The following CUL2 variants were observed in gnomAD, a reference collection of about 807,000 sequenced individuals.
CUL2 encodes cullin-2.
A neutral mutation model predicts 110.2 loss-of-function variants in CUL2; 22 were observed. That is an observed-to-expected ratio of 0.20 (90% CI 0.14 to 0.28). The LOEUF is 0.28. Ranked by LOEUF, CUL2 falls within the 10% of genes least tolerant of loss-of-function variation. The pLI is 1.00. For missense variants in CUL2, 631 were observed against 905.5 expected (o/e 0.70, Z 3.89); for synonymous variants, 279 against 293.2 (o/e 0.95, Z 0.49).
At position 35,031,223 on chromosome 10, in the gene CUL2, C is replaced by A; in HGVS notation, c.1386+77G>T. ...AGATGAATTGTTTCCTGTTACTGTA[C>A]ACAATGCTGCAATGAACATCTTTAT... On this transcript the variant is annotated intron_variant, in intron 14 of 20. Transcript: ENST00000374749. This position sits in a 1 kb window ranked among gnomAD's most constrained non-coding sequence, Gnocchi z 4.4. 1 of 895,634 alleles carries A rather than the reference C, an allele frequency of 1.1e-6. No individual in the cohort carries two copies. The highest frequency in any genetic ancestry group is 1.7e-6 in the Non-Finnish European group (1 of 574,250). 55.5% of individuals were successfully genotyped at this position (895,634 alleles called of 1,614,324 possible).
At position 35,039,207 on chromosome 10, in the gene CUL2, T is replaced by C; in HGVS notation, c.715-125A>G. On this transcript the variant is annotated intron_variant, in intron 8 of 20. Coordinates refer to ENST00000374749, the MANE Select transcript of CUL2 (RefSeq NM_003591.4). ...TAAACATGGCAAAGGTAATAAGGGT[T>C]ACATAAGCAATTTAAACCCACATTC... The C allele has an allele frequency of 3.9e-6, 2 of 514,604 alleles. 1 individual carries two copies. Among genetic ancestry groups the C allele is most frequent in the South Asian group, 8.0e-5 (2 of 24,872 alleles). The allele number at this position is 514,604 out of a possible 1,614,324, so 31.9% of individuals were successfully genotyped here.
chr10:35,058,849 C>T (rs1372675603), intron 4 of CUL2, among the ~76,000 whole-genome samples: 3 of 152,134 alleles, frequency 2.0e-5, no homozygotes, highest in African/African-American at 7.2e-5. Context: ...CTGGGAGCAT[C>T]CTTAAGCTAG....
chr10:35,030,915 A>G (rs1037606244), intron 14 of CUL2, among the ~76,000 whole-genome samples: 9 of 152,220 alleles, frequency 5.9e-5, no homozygotes, highest in Admixed American at 3.3e-4. Context: ...AATGTCTACT[A>G]TGCAAGAAAA....
intron 16 of CUL2, 113 bp downstream of exon 16, chr10:35,028,697 T>G (rs747316191): frequency 4.2e-5 from 26 of 621,082 alleles, no homozygotes; most frequent in Non-Finnish European, 6.1e-5. Context: ...AATTTCTGAA[T>G]CTATTTTTAT....
At position 35,035,193 on chromosome 10, in the gene CUL2, G is replaced by A. The variant is rs753031315; in HGVS notation, c.981C>T (p.Thr327=). 3.7e-6 allele frequency: 6 copies of A among 1,614,146 alleles called. No homozygotes were observed. The highest frequency in any genetic ancestry group is 5.1e-6 in the Non-Finnish European group (6 of 1,180,014). ...NHIHDEGLRA[T]SNLTQENMPT... Reference sequence around the variant, plus strand: ...TCACGTTTTCCTGAGTAAGGTTGCTGGTTGCTCGAAGGCCCTCATCATGGA... The same window carrying A: ...TCACGTTTTCCTGAGTAAGGTTGCTAGTTGCTCGAAGGCCCTCATCATGGA... The change falls in exon 10 of 21, where the codon ACC becomes ACT. Residue 327 remains threonine, a synonymous_variant. Coordinates refer to ENST00000374749, the MANE Select transcript of CUL2 (RefSeq NM_003591.4).
chr10:35,100,615 A>G (rs912793436), intron 2 of CUL2, among the ~76,000 whole-genome samples: 1 of 152,048 alleles, frequency 6.6e-6, no homozygotes, highest in Admixed American at 6.6e-5. Flanking sequence ...TAGAAAAATT[A>G]ACTGGGCATG....
chr10:35,025,681 T>C (rs1015585034), intron 16 of CUL2, among the ~76,000 whole-genome samples: 1 of 152,212 alleles, frequency 6.6e-6, no homozygotes. Context: ...GCTGATATTA[T>C]TGTGAACAAT....
intron 9 of CUL2, among the ~76,000 whole-genome samples, chr10:35,036,430 C>T (rs752461340): frequency 2.0e-5 from 3 of 152,144 alleles, no homozygotes; most frequent in African/African-American, 4.8e-5. Flanking sequence ...TATGTCCAGG[C>T]ATTGGCAGTG....
intron 4 of CUL2, among the ~76,000 whole-genome samples, chr10:35,058,752 G>A (rs2086307115): frequency 6.6e-6 from 1 of 152,142 alleles, no homozygotes; most frequent in South Asian, 2.1e-4. Flanking sequence ...CACCCCTCAT[G>A]TTTTAAGGAA....
intron 4 of CUL2, among the ~76,000 whole-genome samples, chr10:35,058,319 C>T (rs1306551098): frequency 1.3e-5 from 2 of 152,068 alleles, no homozygotes; most frequent in Non-Finnish European, 2.9e-5. Flanking sequence ...AAGTTTGTGT[C>T]GAAACATTAT....
At chr10:35,115,073 G>A (rs2087576726) in intron 1 of CUL2, among the ~76,000 whole-genome samples, 1 of 151,996 alleles carries the variant, frequency 6.6e-6, no homozygotes, top group South Asian at 2.1e-4. Flanking sequence ...TTAGCTGGAT[G>A]TGATGATGTG....
intron 1 of CUL2, among the ~76,000 whole-genome samples, chr10:35,108,601 T>C (rs2087492328): frequency 1.3e-5 from 2 of 152,204 alleles, no homozygotes; most frequent in African/African-American, 2.4e-5. Flanking sequence ...TCAAAGATAA[T>C]ACCTGTTTCC....
intron 1 of CUL2, among the ~76,000 whole-genome samples, chr10:35,106,976 G>T (rs564475558): frequency 2.3e-4 from 34 of 151,062 alleles, no homozygotes; most frequent in African/African-American, 8.3e-4. Context: ...TTTTTTGTTT[G>T]TTTGTTTTTT....
At chr10:35,074,363 A>G (rs2086761572) in intron 1 of CUL2, 2 of 679,316 alleles carry the variant, frequency 2.9e-6, no homozygotes, top group Non-Finnish European at 2.6e-6. Context: ...CTGCTTAGAG[A>G]TCACTGAACA....
intron 8 of CUL2, 23 bp downstream of exon 8, chr10:35,044,543 A>T: frequency 7.3e-7 from 1 of 1,362,504 alleles, no homozygotes. Context: ...AGATAAATGT[A>T]TTCGATATGT....
intron 1 of CUL2, among the ~76,000 whole-genome samples, chr10:35,077,890 G>C (rs2086860086): frequency 6.6e-6 from 1 of 151,864 alleles, no homozygotes; most frequent in Non-Finnish European, 1.5e-5. Flanking sequence ...TATGCTGTCT[G>C]AAATCTGCTT....
intron 1 of CUL2, among the ~76,000 whole-genome samples, chr10:35,085,431 A>G (rs58923870): frequency 0.014 from 2,093 of 149,290 alleles, 51 homozygotes; most frequent in African/African-American, 0.05. Flanking sequence ...CACCGTCCCA[A>G]AAAAAAATAA....
chr10:35,083,720 C>T (rs1398383195), intron 1 of CUL2, among the ~76,000 whole-genome samples: 4 of 152,124 alleles, frequency 2.6e-5, no homozygotes, highest in African/African-American at 7.2e-5. Flanking sequence ...AAACCATAGG[C>T]GGGTCACAGT....
At chr10:35,126,244 G>A (rs1262095826) in intron 1 of CUL2, among the ~76,000 whole-genome samples, 5 of 152,364 alleles carry the variant, frequency 3.3e-5, no homozygotes, top group Non-Finnish European at 1.5e-5. Context: ...CGAGCCAGCG[G>A]GCCCAGCATG....
Sources: gnomAD v4.1 joint callset for allele counts (sites outside exome capture counted in the v4.1 genomes callset) on GRCh38, gnomAD v4.1.1 for gene constraint, Gnocchi (gnomAD v3.1) non-coding constraint, MANE v1.5 for transcripts, NCBI Gene and HGNC (gene_info 2026-07-23, HGNC 2026-07-21) for gene names.